The following ANKFN1 variants were observed in gnomAD, a reference collection of about 807,000 sequenced individuals.
ANKFN1 encodes the protein ankyrin repeat and fibronectin type III domain containing 1.
Under a neutral mutation model 108.7 loss-of-function variants are expected in ANKFN1, and 74 were observed. The ratio of observed to expected loss-of-function variants is 0.68; its 90% CI spans 0.56 to 0.83. The LOEUF (loss-of-function observed/expected upper bound fraction) is 0.83, where lower values mean the gene tolerates loss of function less well. Ranked by LOEUF, ANKFN1 falls within the 40% of genes least tolerant of loss-of-function variation. The pLI, the probability that ANKFN1 is intolerant of heterozygous loss-of-function variation, is 0.00. For synonymous variants in ANKFN1, 547 were observed against 516.2 expected (o/e 1.06, Z -0.81); for missense variants, 1,505 against 1,382.3 (o/e 1.09, Z -1.41).
At chr17:56,486,278 AC>A (rs1226528420) in intron 18 of ANKFN1, among the ~76,000 whole-genome samples, 1 of 152,204 alleles carries the variant, frequency 6.6e-6, no homozygotes, top group African/African-American at 2.4e-5. Context: ...TCCAGAAAAG[AC>A]CACTTGGTTG....
chr17:56,468,469 C>T (rs993185474), intron 15 of ANKFN1, among the ~76,000 whole-genome samples: 1 of 151,442 alleles, frequency 6.6e-6, no homozygotes, highest in Non-Finnish European at 1.5e-5. Context: ...GTATAGGACA[C>T]TTAGGTTAGG....
At chr17:56,079,898 C>T (rs914551937) in intron 4 of ANKFN1, among the ~76,000 whole-genome samples, 5 of 151,996 alleles carry the variant, frequency 3.3e-5, no homozygotes, top group African/African-American at 1.2e-4. Flanking sequence ...GGCTAAAAGA[C>T]ACATAAGAGG....
intron 3 of ANKFN1, among the ~76,000 whole-genome samples, chr17:56,263,915 C>T (rs1044964840): frequency 6.6e-6 from 1 of 152,180 alleles, no homozygotes; most frequent in Admixed American, 6.5e-5. Context: ...GGCCAAGTAA[C>T]AATGGAAGTC....
chr17:56,317,514 C>T (rs953127356), intron 3 of ANKFN1, among the ~76,000 whole-genome samples: 7 of 152,172 alleles, frequency 4.6e-5, no homozygotes, highest in Non-Finnish European at 8.8e-5. Flanking sequence ...TTGTCATGGT[C>T]ATTTTTTTAA....
chr17:56,350,937 T>C lies in ANKFN1; in HGVS notation c.360T>C (p.Thr120=). The C allele has an allele frequency of 5.0e-6, 8 of 1,613,680 alleles. No homozygotes were observed. Among genetic ancestry groups the C allele is most frequent in the Non-Finnish European group, 6.8e-6 (8 of 1,179,800 alleles). Residue 120 remains threonine, a synonymous_variant, in exon 5 of 21, where the codon ACT becomes ACC. Coordinates refer to ENST00000682825, the MANE Select transcript of ANKFN1 (RefSeq NM_001370326.1). The stretch of plus-strand genomic sequence containing the variant: ...ATGAGGCCTATTTTAGGACAAGAAC[T>C]GATCGGCTGAGTCTCAGGAAGACCT... ...SFDEAYFRTR[T]DRLSLRKTSV...
intron 8 of ANKFN1, among the ~76,000 whole-genome samples, chr17:56,384,326 T>C (rs1211178275): frequency 2.0e-5 from 3 of 152,062 alleles, no homozygotes; most frequent in Non-Finnish European, 4.4e-5. Flanking sequence ...ATGGGACGTA[T>C]CTCAAAATAA....
intron 1 of ANKFN1, among the ~76,000 whole-genome samples, chr17:56,165,049 C>T (rs980973830): frequency 6.6e-6 from 1 of 152,192 alleles, no homozygotes; most frequent in Non-Finnish European, 1.5e-5. Flanking sequence ...GCTTTTCATC[C>T]TGTAAAATAG....
In ANKFN1 at chr17:56,443,328, T is replaced by G. The variant is rs926488778; in HGVS notation, c.1099+395T>G. Among the ~76,000 whole-genome samples, 7 of 152,192 alleles carry G rather than the reference T, an allele frequency of 4.6e-5. 1 individual carries two copies. The East Asian group carries it at 9.7e-4, about 21-fold the overall frequency. On this transcript the variant is annotated intron_variant, in intron 10 of 20. Transcript: ENST00000682825. ...CTATAGTGAGTTAAGATCGCACCACTGCACTCCAGCCTGGGTGACAGACTG... is the reference window on the plus strand; with the variant it reads ...CTATAGTGAGTTAAGATCGCACCACGGCACTCCAGCCTGGGTGACAGACTG...
chr17:56,448,961 G>C, intron 10 of ANKFN1, 118 bp from the exon 11 acceptor site: 1 of 712,908 alleles, frequency 1.4e-6, no homozygotes, highest in Non-Finnish European at 2.4e-6. Flanking sequence ...GCATGTGCGG[G>C]GTGCTCATCC....
intron 1 of ANKFN1, among the ~76,000 whole-genome samples, chr17:56,194,152 G>T (rs1199726127): frequency 1.3e-5 from 2 of 152,166 alleles, no homozygotes; most frequent in Non-Finnish European, 2.9e-5. Context: ...GGAGCAATAG[G>T]AACTCTATTC....
chr17:56,115,868 T>G (rs1289715613), intron 4 of ANKFN1, among the ~76,000 whole-genome samples: 1 of 152,190 alleles, frequency 6.6e-6, no homozygotes, highest in Admixed American at 6.5e-5. Flanking sequence ...CCCCTGGTCC[T>G]ACAGGGGAAC....
At chr17:56,188,561 GTATGTGTGTGTGTGTGTGTGTA>G (rs1419081621) in intron 1 of ANKFN1, among the ~76,000 whole-genome samples, 2 of 76,308 alleles carry the variant, frequency 2.6e-5, no homozygotes, top group African/African-American at 1.0e-4. Context: ...GTGTGTGTGT[GTATGTGTGTGTGTGTGTGTGTA>G]TATATATATA....
chr17:56,180,714 T>C (rs928640509), intron 1 of ANKFN1, among the ~76,000 whole-genome samples: 11 of 152,190 alleles, frequency 7.2e-5, no homozygotes, highest in African/African-American at 2.7e-4. Context: ...GCTTATGTCT[T>C]CAAGTTAAAA....
At position 56,174,476 on chromosome 17, in the gene ANKFN1, A is replaced by C; in HGVS notation, c.-71+20946A>C. 6 of 928,940 alleles carry C rather than the reference A, an allele frequency of 6.5e-6. No homozygotes were observed. In the South Asian group the frequency reaches 1.5e-4, roughly 23 times the overall value. 57.5% of individuals were successfully genotyped at this position (928,940 alleles called of 1,614,324 possible). A position where few individuals can be genotyped will look rare whatever the true frequency, so the allele number is the denominator to read the frequency against. ...GGGTTCTCTGGCTAGACCTGGTGCA[A>C]TTACTTGTGCTCCCCCTCCATGGAG... On this transcript the variant is annotated intron_variant, in intron 1 of 20. Transcript: ENST00000682825.
chr17:56,480,833 C>T lies in ANKFN1; in HGVS notation c.2091+15C>T. The stretch of plus-strand genomic sequence containing the variant: ...CTCTACACCAGGTACTAGACTTTAC[C>T]ATTTTTATCTTCTTTTTTTATGGCT... On this transcript the variant is annotated intron_variant, in intron 17 of 20. Transcript: ENST00000682825. The T allele has an allele frequency of 1.2e-6, 2 of 1,609,410 alleles. No homozygotes were observed. The highest frequency in any genetic ancestry group is 1.7e-6 in the Non-Finnish European group (2 of 1,177,692).
intron 20 of ANKFN1, among the ~76,000 whole-genome samples, chr17:56,509,440 G>A (rs534921726): frequency 2.0e-5 from 3 of 152,314 alleles, no homozygotes; most frequent in South Asian, 2.1e-4. Context: ...GAGAAAGAAT[G>A]TAATGACCCA....
intron 4 of ANKFN1, among the ~76,000 whole-genome samples, chr17:56,327,932 A>C (rs2045566001): frequency 1.3e-5 from 2 of 152,174 alleles, no homozygotes; most frequent in African/African-American, 4.8e-5. Context: ...TTATGTGAGG[A>C]TGAGGGGATA....
intron 4 of ANKFN1, among the ~76,000 whole-genome samples, chr17:56,344,357 A>T (rs1202218480): frequency 6.6e-6 from 1 of 152,090 alleles, no homozygotes. Flanking sequence ...TTAAATGCCT[A>T]GAACTGATAA....
At position 56,444,119 on chromosome 17, in the gene ANKFN1, C is replaced by T. The variant is rs137945716; in HGVS notation, c.1099+1186C>T. On this transcript the variant is annotated intron_variant, in intron 10 of 20. Coordinates refer to ENST00000682825, the MANE Select transcript of ANKFN1 (RefSeq NM_001370326.1). ...ATGTGTGGTAGGGAGAACAAATATC[C>T]AGTATTAATTTAGTATTAAAGTATG... Among the ~76,000 whole-genome samples, 1,422 of 152,210 alleles carry T rather than the reference C, an allele frequency of 9.3e-3. 26 individuals are homozygous for T. The highest frequency in any genetic ancestry group is 0.033 in the African/African-American group (1,370 of 41,518).
Sources: gnomAD v4.1 joint callset for allele counts (sites outside exome capture counted in the v4.1 genomes callset) on GRCh38, gnomAD v4.1.1 for gene constraint, MANE v1.5 for transcripts, NCBI Gene and HGNC (gene_info 2026-07-23, HGNC 2026-07-21) for gene names.